The following FAF1 variants were observed in gnomAD, a reference collection of about 807,000 sequenced individuals.
FAF1 encodes Fas associated factor 1.
FAF1 carries 25 observed loss-of-function variants against 92.5 expected under a neutral mutation model. That is an observed-to-expected ratio of 0.27 (90% CI 0.20 to 0.38). FAF1 has a LOEUF of 0.38. Ranked by LOEUF, FAF1 falls within the 10% of genes least tolerant of loss-of-function variation. The probability of loss-of-function intolerance (pLI) is 1.00; values close to 1 mark genes in which losing one functional copy is unlikely to be tolerated. For synonymous variants in FAF1, 234 were observed against 273.2 expected (o/e 0.86, Z 1.42); for missense variants, 636 against 793.3 (o/e 0.80, Z 2.38).
chr1:50,814,237 C>T (rs1643944191), intron 2 of FAF1, among the ~76,000 whole-genome samples: 1 of 152,078 alleles, frequency 6.6e-6, no homozygotes, highest in Admixed American at 6.5e-5. Flanking sequence ...CAAAGTAATA[C>T]TAGGTATAAT....
intron 8 of FAF1, among the ~76,000 whole-genome samples, chr1:50,655,126 G>A (rs1655048660): frequency 6.6e-6 from 1 of 151,598 alleles, no homozygotes. Flanking sequence ...GCCGCCAAGT[G>A]ATTCTCTTAT....
intron 18 of FAF1, among the ~76,000 whole-genome samples, chr1:50,467,289 G>GT (rs1646508891): frequency 1.3e-5 from 2 of 152,166 alleles, no homozygotes; most frequent in South Asian, 2.1e-4. Flanking sequence ...TTCCAAATAT[G>GT]TAACACTGAG....
chr1:50,489,266 C>T (rs75273373), intron 17 of FAF1, among the ~76,000 whole-genome samples: 2,602 of 152,280 alleles, frequency 0.017, 72 homozygotes, highest in African/African-American at 0.06. Context: ...AGGTCTTCTT[C>T]AAAAAACATT....
chr1:50,912,803 C>G (rs532813278), intron 1 of FAF1, among the ~76,000 whole-genome samples: 16 of 152,138 alleles, frequency 1.1e-4, no homozygotes, highest in Non-Finnish European at 1.9e-4. Flanking sequence ...ATTGCTTACC[C>G]ATTCTCAGTT....
At chr1:50,595,016 A>AT (rs1180207256) in intron 9 of FAF1, among the ~76,000 whole-genome samples, 2 of 151,356 alleles carry the variant, frequency 1.3e-5, no homozygotes, top group African/African-American at 2.4e-5. Flanking sequence ...CTATCACTGC[A>AT]TTTTTTATAT....
At chr1:50,587,064 G>A (rs1651270290) in intron 9 of FAF1, among the ~76,000 whole-genome samples, 1 of 152,040 alleles carries the variant, frequency 6.6e-6, no homozygotes, top group African/African-American at 2.4e-5. Context: ...AAGAACAAGG[G>A]GTGGGAGACA....
chr1:50,555,397 TCAAA>T (rs1649527874), intron 13 of FAF1, among the ~76,000 whole-genome samples: 1 of 151,736 alleles, frequency 6.6e-6, no homozygotes, highest in Non-Finnish European at 1.5e-5. Flanking sequence ...TACAAGGAAC[TCAAA>T]CAAATCAGCC....
chr1:50,823,000 C>G (rs1313571306), intron 2 of FAF1, among the ~76,000 whole-genome samples: 1 of 152,102 alleles, frequency 6.6e-6, no homozygotes, highest in East Asian at 1.9e-4. Flanking sequence ...TCTCCAACTT[C>G]CGACCTCAGG....
At position 50,438,231 on chromosome 1, in the gene FAF1, G is replaced by A. The variant is rs1281398582; in HGVS notation, c.*3209C>T. 6.6e-6 allele frequency: 1 copy of A among 152,078 alleles called. No individual in the cohort carries two copies. Among genetic ancestry groups the A allele is most frequent in the Non-Finnish European group, 1.5e-5 (1 of 68,050 alleles). 9.4% of individuals were successfully genotyped at this position (152,078 alleles called of 1,614,324 possible). On this transcript the variant is annotated 3_prime_UTR_variant, in exon 19 of 19. Transcript: ENST00000396153. ...CGGGAGACTATTATGATGTGTGAAA[G>A]GTGTGTCCAATTGCAAAGTGCTATC... is the stretch of plus-strand genomic sequence containing the variant.
At chr1:50,821,115 C>T (rs1285700887) in intron 2 of FAF1, among the ~76,000 whole-genome samples, 2 of 152,148 alleles carry the variant, frequency 1.3e-5, no homozygotes, top group Non-Finnish European at 2.9e-5. Flanking sequence ...CTGCCTGACA[C>T]CACAAGGTTG....
chr1:50,453,884 G>A (rs1646322792), intron 18 of FAF1, among the ~76,000 whole-genome samples: 2 of 152,180 alleles, frequency 1.3e-5, no homozygotes, highest in South Asian at 2.1e-4. Context: ...GGGGAGGGGA[G>A]TCAGAGAACA....
chr1:50,905,132 T>C (rs1040297701), intron 1 of FAF1, among the ~76,000 whole-genome samples: 6 of 152,204 alleles, frequency 3.9e-5, no homozygotes, highest in African/African-American at 1.2e-4. Context: ...TGAGAACATG[T>C]GGTGTCTGTT....
intron 6 of FAF1, among the ~76,000 whole-genome samples, chr1:50,708,385 A>C (rs1399107357): frequency 6.6e-6 from 1 of 152,182 alleles, no homozygotes; most frequent in Non-Finnish European, 1.5e-5. Flanking sequence ...TTCTGGCCTA[A>C]GTAAATAAGA....
chr1:50,723,412 A>T lies in FAF1; in HGVS notation c.551+15451T>A, dbSNP rs550001910. On this transcript the variant is annotated intron_variant, in intron 6 of 18. Coordinates refer to ENST00000396153, the MANE Select transcript of FAF1 (RefSeq NM_007051.3). ...AAGACTGTCTCCAAAAAAAAAAAAA[A>T]AATAAGTAGGATGAGAACTATTTGA... Among the ~76,000 whole-genome samples the T allele has an allele frequency of 1.9e-3, 296 of 152,174 alleles. 6 individuals are homozygous for T. Among genetic ancestry groups the T allele is most frequent in the South Asian group, 2.1e-3 (10 of 4,816 alleles).
chr1:50,691,612 A>G (rs1656927039), intron 7 of FAF1, among the ~76,000 whole-genome samples: 1 of 149,628 alleles, frequency 6.7e-6, no homozygotes, highest in African/African-American at 2.5e-5. Flanking sequence ...TTTTTTTGAG[A>G]CAGAGTTTCT....
rs187384717 is a variant in FAF1, at chr1:50,599,300, C to T, written c.745-3084G>A. Among the ~76,000 whole-genome samples the T allele has an allele frequency of 9.9e-5, 15 of 152,062 alleles. No homozygotes were observed. In the South Asian group the frequency reaches 2.1e-3, roughly 21 times the overall value. ...GCTAATTTTTGTATCTTTGTAGAGACGGGGTTTTAACACGTTGGCCAGGCT... is the reference window on the plus strand; with the variant it reads ...GCTAATTTTTGTATCTTTGTAGAGATGGGGTTTTAACACGTTGGCCAGGCT... On this transcript the variant is annotated intron_variant, in intron 8 of 18. Transcript: ENST00000396153.
At chr1:50,708,998 A>G (rs1215459482) in intron 6 of FAF1, among the ~76,000 whole-genome samples, 2 of 152,212 alleles carry the variant, frequency 1.3e-5, no homozygotes, top group African/African-American at 4.8e-5. Flanking sequence ...AATGATCAAT[A>G]TATGTATGTT....
chr1:50,921,007 T>C (rs1487666123), intron 1 of FAF1, among the ~76,000 whole-genome samples: 1 of 152,198 alleles, frequency 6.6e-6, no homozygotes, highest in African/African-American at 2.4e-5. Flanking sequence ...CAAATGATTA[T>C]ATATAGAAAA....
At chr1:50,458,209 G>A (rs1159964388) in intron 18 of FAF1, among the ~76,000 whole-genome samples, 3 of 152,110 alleles carry the variant, frequency 2.0e-5, no homozygotes, top group Non-Finnish European at 4.4e-5. Flanking sequence ...GTGAAACTCT[G>A]TCTCAAAATA....
Sources: gnomAD v4.1 joint callset for allele counts (sites outside exome capture counted in the v4.1 genomes callset) on GRCh38, gnomAD v4.1.1 for gene constraint, MANE v1.5 for transcripts, NCBI Gene and HGNC (gene_info 2026-07-23, HGNC 2026-07-21) for gene names.